Variants in TRDN observed in about 807,000 individuals in gnomAD.
TRDN encodes the protein triadin.
Under a neutral mutation model 149.7 loss-of-function variants are expected in TRDN, and 161 were observed. The ratio of observed to expected loss-of-function variants is 1.08; its 90% CI spans 0.95 to 1.23. TRDN has a LOEUF of 1.23. Ranked by LOEUF, TRDN falls within the 50% of genes most tolerant of loss-of-function variation. The pLI, the probability that TRDN is intolerant of heterozygous loss-of-function variation, is 0.00. For synonymous variants in TRDN, 294 were observed against 250.5 expected, an observed-to-expected ratio of 1.17 and a Z score of -1.64; for missense variants, 896 against 823.5, an observed-to-expected ratio of 1.09 and a Z score of -1.08.
At chr6:123,367,784 G>A (rs140356230) in intron 19 of TRDN, among the ~76,000 whole-genome samples, 7 of 152,270 alleles carry the variant, frequency 4.6e-5, no homozygotes, top group African/African-American at 1.7e-4. Flanking sequence ...AGTTCCCAGG[G>A]GATGCTTAGG....
intron 15 of TRDN, among the ~76,000 whole-genome samples, chr6:123,381,915 C>T (rs180785902): frequency 8.8e-5 from 13 of 147,228 alleles, no homozygotes; most frequent in Admixed American, 6.8e-4. Flanking sequence ...TCCATTACTG[C>T]GAAATACTTC....
Position 123,547,389 on chromosome 6 carries a change from A to G in TRDN, c.392-17T>C. On this transcript the variant is annotated splice_polypyrimidine_tract_variant and intron_variant, in intron 3 of 40. Coordinates refer to ENST00000334268, the MANE Select transcript of TRDN (RefSeq NM_006073.4). ...CTATTTCTCCTAGACCAAGATTAAA[A>G]GAAAAACAAAGTTAGAAAATATTTT... The G allele has an allele frequency of 7.2e-7, 1 of 1,395,092 alleles. No individual in the cohort carries two copies. Among genetic ancestry groups the G allele is most frequent in the South Asian group, 1.6e-5 (1 of 62,686 alleles). 86.4% of individuals were successfully genotyped at this position (1,395,092 alleles called of 1,614,324 possible). A position where few individuals can be genotyped will look rare whatever the true frequency, so the allele number is the denominator to read the frequency against.
intron 1 of TRDN, among the ~76,000 whole-genome samples, chr6:123,612,271 AG>A (rs1784856669): frequency 1.6e-5 from 1 of 60,884 alleles, no homozygotes; most frequent in South Asian, 7.7e-4. Flanking sequence ...GGGTGGGGGG[AG>A]GGGGGAGGGA....
intron 24 of TRDN, among the ~76,000 whole-genome samples, chr6:123,285,173 C>G (rs755862733): frequency 6.6e-6 from 1 of 151,584 alleles, no homozygotes; most frequent in African/African-American, 2.4e-5. Context: ...TTATTCTTCA[C>G]AGAACTAGAA....
At chr6:123,611,863 A>G (rs1486357937) in intron 1 of TRDN, among the ~76,000 whole-genome samples, 1 of 151,996 alleles carries the variant, frequency 6.6e-6, no homozygotes, top group Non-Finnish European at 1.5e-5. Context: ...TTATCTGATA[A>G]TAAAGTTTGA....
chr6:123,250,654 A>AGAAATGATATATTT (rs774794113), intron 38 of TRDN, among the ~76,000 whole-genome samples: 12 of 152,112 alleles, frequency 7.9e-5, no homozygotes, highest in Non-Finnish European at 1.6e-4. Context: ...TATGGATCAC[A>AGAAATGATATATTT]GAAATGATAT....
At chr6:123,367,147 G>C (rs1379604578) in intron 19 of TRDN, among the ~76,000 whole-genome samples, 1 of 151,900 alleles carries the variant, frequency 6.6e-6, no homozygotes, top group Non-Finnish European at 1.5e-5. Context: ...ACAGAGTATT[G>C]GATCACAAAT....
rs147920155 is a variant in TRDN, at chr6:123,258,929, G to A, written c.1870+695C>T. ...GATTTTCTAGTTTATTTACATAGAG[G>A]TGTTTATAGTATTCTCTGATGGTAG... On this transcript the variant is annotated intron_variant, in intron 35 of 40. Coordinates refer to ENST00000334268, the MANE Select transcript of TRDN (RefSeq NM_006073.4). 2.9e-3 allele frequency among the ~76,000 whole-genome samples: 446 copies of A among 152,228 alleles called. 3 individuals carry two copies. Among genetic ancestry groups the A allele is most frequent in the African/African-American group, 0.01 (416 of 41,546 alleles).
chr6:123,607,343 T>TA (rs1178862195), intron 1 of TRDN, among the ~76,000 whole-genome samples: 2 of 152,132 alleles, frequency 1.3e-5, no homozygotes, highest in African/African-American at 4.8e-5. Flanking sequence ...CTATTGTTGG[T>TA]AAAAAATAAA....
chr6:123,288,844 A>T (rs1474267990), intron 24 of TRDN, among the ~76,000 whole-genome samples: 1 of 151,984 alleles, frequency 6.6e-6, no homozygotes, highest in East Asian at 1.9e-4. Flanking sequence ...TAGAATTACC[A>T]TATTCAGCAA....
intron 12 of TRDN, among the ~76,000 whole-genome samples, chr6:123,410,798 T>C (rs1773401988): frequency 6.6e-6 from 1 of 152,080 alleles, no homozygotes; most frequent in Admixed American, 6.6e-5. Context: ...GTCTGAATCT[T>C]TCCAAAGGTT....
At chr6:123,503,204 C>T (rs1218953814) in intron 8 of TRDN, 4 of 983,930 alleles carry the variant, frequency 4.1e-6, no homozygotes, top group Admixed American at 6.1e-5. Context: ...AACATCTTGC[C>T]TATTAAATAA....
intron 12 of TRDN, among the ~76,000 whole-genome samples, chr6:123,435,821 G>A (rs1397154725): frequency 6.6e-6 from 1 of 152,058 alleles, no homozygotes; most frequent in African/African-American, 2.4e-5. Flanking sequence ...GAAGTGATAT[G>A]GGCATAATCC....
chr6:123,535,981 C>T (rs1158410444), intron 4 of TRDN, among the ~76,000 whole-genome samples: 5 of 152,038 alleles, frequency 3.3e-5, no homozygotes, highest in East Asian at 1.9e-4. Context: ...ATAATTAACA[C>T]GGGAGTCAAT....
At position 123,503,756 on chromosome 6, in the gene TRDN, G is replaced by A; in HGVS notation, c.756C>T (p.Asp252=). ...KTPSKPKEKE[D]KEKAAVSKHE... ...GCTTTGACACAGCTGCTTTCTCTTTGTCCTCCTTTTCTTTGGGTTTTGATG... is the reference window on the plus strand; with the variant it reads ...GCTTTGACACAGCTGCTTTCTCTTTATCCTCCTTTTCTTTGGGTTTTGATG... Residue 252 remains aspartate (D), a synonymous_variant, in exon 8 of 41, where the codon GAC becomes GAT. Transcript: ENST00000334268. 1 of 1,613,442 alleles carries A rather than the reference G, an allele frequency of 6.2e-7. No homozygotes were observed. Among genetic ancestry groups the A allele is most frequent in the Non-Finnish European group, 8.5e-7 (1 of 1,179,742 alleles).
At chr6:123,316,536 G>A (rs1562259228) in intron 23 of TRDN, 41 bp from the exon 24 acceptor site, 2 of 1,580,160 alleles carry the variant, frequency 1.3e-6, no homozygotes, top group East Asian at 2.3e-5. Context: ...AAACAAAAGG[G>A]AAAAAAATAA....
At chr6:123,539,258 C>G (rs1049297062) in intron 4 of TRDN, among the ~76,000 whole-genome samples, 2 of 152,142 alleles carry the variant, frequency 1.3e-5, no homozygotes, top group African/African-American at 4.8e-5. Context: ...CATTAGGGAT[C>G]TTAAAAGGCA....
At chr6:123,499,628 CG>C (rs1562348584) in intron 8 of TRDN, among the ~76,000 whole-genome samples, 1 of 141,364 alleles carries the variant, frequency 7.1e-6, no homozygotes, top group Non-Finnish European at 1.5e-5. Context: ...TGCTTGAACC[CG>C]GGAGGCAGAG....
chr6:123,403,819 T>TA (rs1240846153), intron 12 of TRDN, among the ~76,000 whole-genome samples: 1 of 150,534 alleles, frequency 6.6e-6, no homozygotes, highest in East Asian at 2.0e-4. Context: ...AAATCAGAAA[T>TA]AAAAAAATAC....
Sources: allele counts gnomAD v4.1 joint callset (sites outside exome capture counted in the v4.1 genomes callset), GRCh38; gene constraint gnomAD v4.1.1; transcripts MANE v1.5; gene names NCBI Gene and HGNC (gene_info 2026-07-23, HGNC 2026-07-21).